Variants in TNR observed in about 807,000 individuals in gnomAD.
TNR encodes tenascin R.
A neutral mutation model predicts 150.4 loss-of-function variants in TNR; 45 were observed. That is an observed-to-expected ratio of 0.30 (90% CI 0.24 to 0.38). The LOEUF (loss-of-function observed/expected upper bound fraction) is 0.38, where lower values mean the gene tolerates loss of function less well. Among genes scored for constraint, TNR ranks in the 10% least tolerant of loss-of-function variants. TNR has a pLI of 1.00. For synonymous variants in TNR, 687 were observed against 678.4 expected (o/e 1.01, Z -0.20); for missense variants, 1,544 against 1,759.1 (o/e 0.88, Z 2.19).
chr1:175,421,855 T>C (rs1654768232), intron 2 of TNR, among the ~76,000 whole-genome samples: 1 of 152,176 alleles, frequency 6.6e-6, no homozygotes, highest in Admixed American at 6.5e-5. Flanking sequence ...TTCTGCCCTG[T>C]CCCAATATGC....
intron 1 of TNR, among the ~76,000 whole-genome samples, chr1:175,701,385 AAAACAAACAAAC>A (rs201601863): frequency 2.3e-4 from 35 of 151,856 alleles, no homozygotes; most frequent in African/African-American, 8.5e-4. Context: ...TCTTCTCCTA[AAAACAAACAAAC>A]AAACAAACAA....
At chr1:175,639,104 G>A (rs960864315) in intron 1 of TNR, among the ~76,000 whole-genome samples, 3 of 152,148 alleles carry the variant, frequency 2.0e-5, no homozygotes, top group African/African-American at 7.2e-5. Flanking sequence ...TCTCATGGAA[G>A]CTGGTGTCCC....
intron 2 of TNR, among the ~76,000 whole-genome samples, chr1:175,508,901 C>A (rs1380821559): frequency 2.6e-5 from 4 of 152,212 alleles, no homozygotes; most frequent in Non-Finnish European, 4.4e-5. Context: ...CTTTCTTGTA[C>A]TTCTCCCTTC....
chr1:175,439,226 C>T (rs1449430768), intron 2 of TNR, among the ~76,000 whole-genome samples: 6 of 151,650 alleles, frequency 4.0e-5, no homozygotes, highest in Non-Finnish European at 5.9e-5. Context: ...TGCCGCATAT[C>T]TACAACTATC....
intron 9 of TNR, among the ~76,000 whole-genome samples, chr1:175,368,835 G>A (rs561565434): frequency 7.5e-4 from 114 of 152,326 alleles, no homozygotes; most frequent in Middle Eastern, 3.4e-3. Context: ...TGTAGTCCCA[G>A]CTATTTGTGA....
chr1:175,480,811 G>A (rs1417269790), intron 2 of TNR, among the ~76,000 whole-genome samples: 1 of 151,992 alleles, frequency 6.6e-6, no homozygotes, highest in Non-Finnish European at 1.5e-5. Context: ...AGTGCCTAAT[G>A]GCTTAAATTC....
chr1:175,496,628 C>A (rs564281541), intron 2 of TNR, among the ~76,000 whole-genome samples: 1 of 152,154 alleles, frequency 6.6e-6, no homozygotes, highest in Non-Finnish European at 1.5e-5. Flanking sequence ...CATCTCACCC[C>A]CTACAAGACC....
At position 175,640,226 on chromosome 1, in the gene TNR, C is replaced by T. The variant is rs546142825; in HGVS notation, c.-165+103000G>A. Among the ~76,000 whole-genome samples, 3 of 152,294 alleles carry T rather than the reference C, an allele frequency of 2.0e-5. No individual in the cohort carries two copies. In the South Asian group the frequency reaches 6.2e-4, roughly 32 times the overall value. ...TTAAATTCAGATAAAGTTCTGGGAC[C>T]ACAGAATAAGAGTATCCAAGTCTTC... is the stretch of plus-strand genomic sequence containing the variant. On this transcript the variant is annotated intron_variant, in intron 1 of 22. Transcript: ENST00000367674.
In TNR at chr1:175,322,123, C is replaced by A. The variant is rs1251588297; in HGVS notation, c.*1234G>T. The A allele has an allele frequency of 6.6e-6, 1 of 152,198 alleles. No homozygotes were observed. Among genetic ancestry groups the A allele is most frequent in the East Asian group, 1.9e-4 (1 of 5,196 alleles). The allele number at this position is 152,198 out of a possible 1,614,324, so 9.4% of individuals were successfully genotyped here. ...GGAAACTATAATCTCTATGGCAGTG[C>A]CCTGATTTTGACTTCTTCAGTCCTT... On this transcript the variant is annotated 3_prime_UTR_variant, in exon 23 of 23. Coordinates refer to ENST00000367674, the MANE Select transcript of TNR (RefSeq NM_003285.3).
intron 1 of TNR, among the ~76,000 whole-genome samples, chr1:175,593,085 C>G (rs1662863726): frequency 6.6e-6 from 1 of 152,176 alleles, no homozygotes; most frequent in South Asian, 2.1e-4. Context: ...GGTTGAATCT[C>G]TTCCAAAGAG....
intron 2 of TNR, among the ~76,000 whole-genome samples, chr1:175,488,076 G>C (rs1658089591): frequency 1.3e-5 from 2 of 152,166 alleles, no homozygotes; most frequent in African/African-American, 4.8e-5. Flanking sequence ...TCAGTGCACA[G>C]ACTGCCACTC....
At chr1:175,422,854 G>A (rs1654817021) in intron 2 of TNR, among the ~76,000 whole-genome samples, 1 of 152,216 alleles carries the variant, frequency 6.6e-6, no homozygotes, top group African/African-American at 2.4e-5. Flanking sequence ...CTCAGAAATG[G>A]AGTGATCTTT....
intron 1 of TNR, among the ~76,000 whole-genome samples, chr1:175,667,423 G>A (rs562620931): frequency 6.6e-6 from 1 of 152,314 alleles, no homozygotes; most frequent in African/African-American, 2.4e-5. Context: ...AACCCATCCA[G>A]CTTGTATGTG....
intron 2 of TNR, among the ~76,000 whole-genome samples, chr1:175,498,600 T>A (rs931227378): frequency 2.0e-5 from 3 of 152,198 alleles, no homozygotes; most frequent in Non-Finnish European, 4.4e-5. Flanking sequence ...CATCCCTCAC[T>A]CTTCTATTCT....
intron 1 of TNR, among the ~76,000 whole-genome samples, chr1:175,642,063 TATC>T (rs1664681408): frequency 6.6e-6 from 1 of 152,124 alleles, no homozygotes; most frequent in Non-Finnish European, 1.5e-5. Context: ...TCCACAACCA[TATC>T]ATCCTTTAAG....
intron 1 of TNR, among the ~76,000 whole-genome samples, chr1:175,575,773 A>C (rs969377213): frequency 6.6e-6 from 1 of 152,180 alleles, no homozygotes; most frequent in South Asian, 2.1e-4. Flanking sequence ...ACTGTGTATG[A>C]TGGGCTTAGG....
intron 1 of TNR, among the ~76,000 whole-genome samples, chr1:175,655,355 A>G (rs1336802619): frequency 6.6e-6 from 1 of 152,218 alleles, no homozygotes; most frequent in African/African-American, 2.4e-5. Flanking sequence ...CAACTCCAAC[A>G]GTGAAAAAAA....
At chr1:175,391,567 C>T in intron 6 of TNR, 129 bp from the exon 7 acceptor site, 1 of 1,042,428 alleles carries the variant, frequency 9.6e-7, no homozygotes, top group Non-Finnish European at 1.4e-6. Context: ...TGTCTCTTTC[C>T]TCCATGCTGA....
At chr1:175,367,813 T>C (rs753412787) in intron 9 of TNR, among the ~76,000 whole-genome samples, 4 of 152,168 alleles carry the variant, frequency 2.6e-5, no homozygotes, top group African/African-American at 9.7e-5. Flanking sequence ...GGATGGACTT[T>C]TTTTTCTAAG....
Sources: gnomAD v4.1 joint callset for allele counts (sites outside exome capture counted in the v4.1 genomes callset) on GRCh38, gnomAD v4.1.1 for gene constraint, MANE v1.5 for transcripts, NCBI Gene and HGNC (gene_info 2026-07-23, HGNC 2026-07-21) for gene names.